NGLY1: variants seen among roughly 807,000 people sequenced by gnomAD.
NGLY1 encodes the protein N-glycanase 1.
A neutral mutation model predicts 84.6 loss-of-function variants in NGLY1; 68 were observed. The observed-to-expected ratio is 0.80, with a 90% CI of 0.66 to 0.98. NGLY1 has a LOEUF of 0.98. Among genes scored for constraint, NGLY1 ranks in the 50% least tolerant of loss-of-function variants. The pLI is 0.00. For synonymous variants in NGLY1, 280 were observed against 275.2 expected (o/e 1.02, Z -0.17); for missense variants, 779 against 770.2 (o/e 1.01, Z -0.14).
intron 8 of NGLY1, among the ~76,000 whole-genome samples, chr3:25,733,586 C>T (rs879549352): frequency 1.7e-4 from 25 of 150,354 alleles, no homozygotes; most frequent in African/African-American, 5.6e-4. Context: ...ATAAATAAGA[C>T]AACACATTTT....
chr3:25,775,259 C>T (rs1708101189), intron 2 of NGLY1, among the ~76,000 whole-genome samples: 1 of 152,132 alleles, frequency 6.6e-6, no homozygotes. Context: ...TCTGTCAGTC[C>T]AATTGGGAGC....
intron 2 of NGLY1, among the ~76,000 whole-genome samples, chr3:25,768,299 A>C (rs13065012): frequency 3.3e-5 from 5 of 151,202 alleles, no homozygotes; most frequent in Non-Finnish European, 5.9e-5. Flanking sequence ...GGTGGCGGAC[A>C]CCTGTAATCC....
At position 25,778,661 on chromosome 3, in the gene NGLY1, G is replaced by A. The variant is rs759653343; in HGVS notation, c.159C>T (p.Ser53=). Residue 53 remains serine, a synonymous_variant, in exon 2 of 12, where the codon TCC becomes TCT. Transcript: ENST00000280700. ...LRNPNDEKYR[S]IRIGNTAFST... ...AAAAGGCTGTGTTTCCAATCCGGAT[G>A]GATCTATATTTTTCATCATTAGGGT... is the stretch of plus-strand genomic sequence containing the variant. 9 of 1,607,568 alleles carry A rather than the reference G, an allele frequency of 5.6e-6. No homozygotes were observed. In the Admixed American group the frequency reaches 1.4e-4, roughly 24 times the overall value.
chr3:25,756,057 T>C (rs796537543), intron 3 of NGLY1, among the ~76,000 whole-genome samples: 3 of 152,344 alleles, frequency 2.0e-5, no homozygotes, highest in African/African-American at 7.2e-5. Context: ...TAAGGTAATA[T>C]AGCCACTTTT....
intron 2 of NGLY1, among the ~76,000 whole-genome samples, chr3:25,771,985 G>C (rs948342489): frequency 9.2e-5 from 14 of 152,268 alleles, no homozygotes; most frequent in Admixed American, 7.2e-4. Flanking sequence ...AACAGCAACA[G>C]TCTATTCCTC....
chr3:25,736,192 G>A (rs1705811574), intron 6 of NGLY1, 43 bp from the exon 7 acceptor site: 1 of 1,598,292 alleles, frequency 6.3e-7, no homozygotes, highest in Non-Finnish European at 8.5e-7. Context: ...AAAAGACAAT[G>A]AAATCAGAAT....
At chr3:25,734,733 A>G (rs1178813619) in intron 7 of NGLY1, 1 of 868,454 alleles carries the variant, frequency 1.2e-6, no homozygotes, top group East Asian at 1.2e-4. Context: ...AAAATAAAAT[A>G]AAACGTAAAA....
At chr3:25,732,278 A>G (rs776016452) in intron 9 of NGLY1, 41 bp downstream of exon 9, 25 of 1,594,774 alleles carry the variant, frequency 1.6e-5, no homozygotes, top group Admixed American at 1.5e-4. Flanking sequence ...TATATGAAGC[A>G]GGAAAGTAAA....
chr3:25,733,466 C>CGTGTGTGT (rs60529800), intron 8 of NGLY1, among the ~76,000 whole-genome samples: 140 of 134,186 alleles, frequency 1.0e-3, no homozygotes, highest in African/African-American at 3.2e-3. Flanking sequence ...CTCACATGGA[C>CGTGTGTGT]GTGTGTGTGT....
At chr3:25,777,256 G>A (rs1036792388) in intron 2 of NGLY1, among the ~76,000 whole-genome samples, 12 of 152,118 alleles carry the variant, frequency 7.9e-5, no homozygotes, top group African/African-American at 2.4e-4. Flanking sequence ...TTAGCCAGGC[G>A]TGCTGTCGTA....
At chr3:25,751,363 G>C in intron 3 of NGLY1, 100 bp from the exon 4 acceptor site, 1 of 932,598 alleles carries the variant, frequency 1.1e-6, no homozygotes, top group Non-Finnish European at 1.5e-6. Flanking sequence ...CAGATAGAAG[G>C]GAATGTATGG....
chr3:25,759,933 C>A (rs1401119738), intron 3 of NGLY1, among the ~76,000 whole-genome samples: 1 of 151,476 alleles, frequency 6.6e-6, no homozygotes, highest in Non-Finnish European at 1.5e-5. Flanking sequence ...CACACACACA[C>A]ACACACACAC....
At chr3:25,745,244 T>C (rs1289792290) in intron 4 of NGLY1, among the ~76,000 whole-genome samples, 1 of 152,218 alleles carries the variant, frequency 6.6e-6, no homozygotes, top group East Asian at 1.9e-4. Context: ...ACTGAAGAAC[T>C]TGATTTTTCA....
intron 2 of NGLY1, 96 bp from the exon 3 acceptor site, chr3:25,764,407 T>C (rs767648379): frequency 7.9e-7 from 1 of 1,266,580 alleles, no homozygotes; most frequent in Non-Finnish European, 1.1e-6. Context: ...AAACCAATAA[T>C]ATAGAATGCA....
At position 25,719,363 on chromosome 3, in the gene NGLY1, G is replaced by T; in HGVS notation, c.*97C>A. On this transcript the variant is annotated 3_prime_UTR_variant, in exon 12 of 12. Transcript: ENST00000280700. ...GATAGCTAGCAAAAGAAATATGCTA[G>T]CACAGGGTGGTAACTGCCAACTAAG... 2 of 925,436 alleles carry T rather than the reference G, an allele frequency of 2.2e-6. No individual in the cohort carries two copies. Among genetic ancestry groups the T allele is most frequent in the Non-Finnish European group, 3.3e-6 (2 of 600,288 alleles). The allele number at this position is 925,436 out of a possible 1,614,324, so 57.3% of individuals were successfully genotyped here.
chr3:25,778,526 G>T, intron 2 of NGLY1, 48 bp downstream of exon 2: 1 of 1,021,736 alleles, frequency 9.8e-7, no homozygotes. Context: ...CATGATAATG[G>T]CTGCTTTGTG....
intron 2 of NGLY1, among the ~76,000 whole-genome samples, chr3:25,776,595 C>T (rs868024821): frequency 1.3e-5 from 2 of 152,192 alleles, no homozygotes; most frequent in African/African-American, 2.4e-5. Flanking sequence ...TATTTAACAG[C>T]AAATTGGTCA....
intron 2 of NGLY1, among the ~76,000 whole-genome samples, chr3:25,767,198 A>G (rs1707624329): frequency 1.3e-5 from 2 of 151,972 alleles, no homozygotes; most frequent in African/African-American, 4.8e-5. Context: ...AGGCTGAGGC[A>G]GGAGAATCGC....
At chr3:25,790,035 A>T in exon 1 of NGLY1, 2 of 806,452 alleles carry the variant, frequency 2.5e-6, no homozygotes, top group South Asian at 3.1e-5. Context: ...CGTGCGTGGG[A>T]AAGCGCATGA....
Sources: gnomAD v4.1 joint callset for allele counts (sites outside exome capture counted in the v4.1 genomes callset) on GRCh38, gnomAD v4.1.1 for gene constraint, MANE v1.5 for transcripts, NCBI Gene and HGNC (gene_info 2026-07-23, HGNC 2026-07-21) for gene names.